The following ATRNL1 variants were observed in gnomAD, a reference collection of about 807,000 sequenced individuals.
ATRNL1 encodes the protein attractin like 1, also known as attractin-like protein 1.
A neutral mutation model predicts 182.7 loss-of-function variants in ATRNL1; 95 were observed. The observed-to-expected ratio is 0.52, with a 90% CI of 0.44 to 0.62. The LOEUF is 0.62. ATRNL1 is among the 20% of genes least tolerant of loss of function. The pLI is 0.00. For missense variants in ATRNL1, 1,471 were observed against 1,679.5 expected (o/e 0.88, Z 2.17); for synonymous variants, 576 against 568.3 (o/e 1.01, Z -0.19).
rs147749009 is a variant in ATRNL1 at position 115,099,662 on chromosome 10, T to A, written c.293+5619T>A. Among the ~76,000 whole-genome samples, 652 of 152,326 alleles carry A rather than the reference T, an allele frequency of 4.3e-3. 1 individual carries two copies. Among genetic ancestry groups the A allele is most frequent in the Non-Finnish European group, 7.1e-3 (481 of 68,014 alleles). ...AAGTGAATGGTATATTATTGGGTTT[T>A]AGTTTGCATTTCCCGAATTACTAAT... On this transcript the variant is annotated intron_variant, in intron 1 of 28. Transcript: ENST00000355044.
At chr10:115,471,013 T>A (rs1554972009) in intron 24 of ATRNL1, among the ~76,000 whole-genome samples, 1 of 150,736 alleles carries the variant, frequency 6.6e-6, no homozygotes, top group East Asian at 1.9e-4. Context: ...ATAAGTTTTT[T>A]AGATTCCACC....
At chr10:115,444,449 C>T (rs562286351) in intron 21 of ATRNL1, among the ~76,000 whole-genome samples, 1 of 151,924 alleles carries the variant, frequency 6.6e-6, no homozygotes, top group East Asian at 1.9e-4. Context: ...TATTTAATAG[C>T]TTTTTAGTTG....
In ATRNL1 at chr10:115,864,980, T is replaced by TA. The variant is rs76771298; in HGVS notation, c.4018+17005dup. Among the ~76,000 whole-genome samples the TA allele has an allele frequency of 5.8e-3, 641 of 110,936 alleles. 4 individuals are homozygous for TA. The highest frequency in any genetic ancestry group is 0.017 in the African/African-American group (526 of 31,356). The allele number at this position is 110,936 out of a possible 152,430, so 72.8% of individuals were successfully genotyped here. A position where few individuals can be genotyped will look rare whatever the true frequency, so the allele number is the denominator to read the frequency against. ...CTGGGCGACAGAGCGAGACTCCGTC[T>TA]AAAAAAAAAAAAAAAAGAAAAGACC... is the stretch of plus-strand genomic sequence containing the variant. On this transcript the variant is annotated intron_variant, in intron 28 of 28. Coordinates refer to ENST00000355044, the MANE Select transcript of ATRNL1 (RefSeq NM_207303.4).
At chr10:115,115,026 A>G (rs1384681335) in intron 1 of ATRNL1, among the ~76,000 whole-genome samples, 2 of 152,166 alleles carry the variant, frequency 1.3e-5, no homozygotes, top group African/African-American at 2.4e-5. Context: ...AGGTATATAT[A>G]CATAATGAAA....
At chr10:115,096,817 C>T in intron 1 of ATRNL1, 1 of 1,162,790 alleles carries the variant, frequency 8.6e-7, no homozygotes, top group Non-Finnish European at 1.1e-6. Flanking sequence ...CTCAGAATAA[C>T]AAGCCATTCC....
At chr10:115,698,760 GA>G (rs1946642241) in intron 26 of ATRNL1, among the ~76,000 whole-genome samples, 1 of 151,340 alleles carries the variant, frequency 6.6e-6, no homozygotes, top group Non-Finnish European at 1.5e-5. Flanking sequence ...CCTGGCAACA[GA>G]GCGAGACTCC....
chr10:115,299,067 C>T (rs934049403), intron 15 of ATRNL1, among the ~76,000 whole-genome samples: 1 of 151,374 alleles, frequency 6.6e-6, no homozygotes, highest in Non-Finnish European at 1.5e-5. Context: ...TTTTCTCTAT[C>T]CTGGTACTCC....
chr10:115,547,096 A>G (rs1348262416), intron 25 of ATRNL1, among the ~76,000 whole-genome samples: 3 of 151,792 alleles, frequency 2.0e-5, no homozygotes, highest in Non-Finnish European at 4.4e-5. Context: ...TCTACTAAAA[A>G]TACAAAAAAA....
chr10:115,549,855 A>G (rs1370544373), intron 26 of ATRNL1, among the ~76,000 whole-genome samples: 2 of 151,972 alleles, frequency 1.3e-5, no homozygotes, highest in African/African-American at 2.4e-5. Context: ...ATAAAGACAT[A>G]CTTTATTTTT....
intron 5 of ATRNL1, among the ~76,000 whole-genome samples, chr10:115,156,393 GTT>G (rs1846519704): frequency 6.6e-6 from 1 of 152,084 alleles, no homozygotes; most frequent in South Asian, 2.1e-4. Context: ...AACGATCAAG[GTT>G]TTAGTTTTAT....
intron 26 of ATRNL1, among the ~76,000 whole-genome samples, chr10:115,690,756 T>C (rs1439237814): frequency 5.3e-5 from 8 of 152,200 alleles, no homozygotes; most frequent in Admixed American, 2.0e-4. Flanking sequence ...CAGCTGCTGC[T>C]GCTTAGGTCT....
chr10:115,917,252 G>C (rs1470060766), intron 28 of ATRNL1, among the ~76,000 whole-genome samples: 1 of 151,956 alleles, frequency 6.6e-6, no homozygotes, highest in African/African-American at 2.4e-5. Context: ...GGATCACGAG[G>C]TCAGGAGATC....
chr10:115,369,538 G>T (rs1857275550), intron 19 of ATRNL1, among the ~76,000 whole-genome samples: 1 of 152,142 alleles, frequency 6.6e-6, no homozygotes, highest in African/African-American at 2.4e-5. Flanking sequence ...AACATGGGGA[G>T]TGCATATATC....
At chr10:115,227,338 T>A (rs1554898866) in intron 9 of ATRNL1, among the ~76,000 whole-genome samples, 1 of 151,954 alleles carries the variant, frequency 6.6e-6, no homozygotes, top group Non-Finnish European at 1.5e-5. Context: ...CACTAATCAT[T>A]AGAGAAATGC....
intron 8 of ATRNL1, among the ~76,000 whole-genome samples, chr10:115,209,398 T>G (rs1474335827): frequency 6.7e-6 from 1 of 149,322 alleles, no homozygotes; most frequent in Non-Finnish European, 1.5e-5. Context: ...TGGTATCTAG[T>G]ATCCATAAAG....
At chr10:115,359,893 T>G (rs1856658306) in intron 19 of ATRNL1, among the ~76,000 whole-genome samples, 1 of 151,586 alleles carries the variant, frequency 6.6e-6, no homozygotes, top group African/African-American at 2.4e-5. Flanking sequence ...GTACTAATAT[T>G]TCACTTTACC....
intron 10 of ATRNL1, among the ~76,000 whole-genome samples, chr10:115,248,644 T>A (rs982293841): frequency 6.6e-6 from 1 of 152,142 alleles, no homozygotes; most frequent in Non-Finnish European, 1.5e-5. Context: ...ATTTAATGAA[T>A]GCCAGGGGAC....
intron 26 of ATRNL1, among the ~76,000 whole-genome samples, chr10:115,573,564 G>A (rs1410990180): frequency 6.6e-6 from 1 of 152,008 alleles, no homozygotes; most frequent in African/African-American, 2.4e-5. Flanking sequence ...CTTGAGGGTG[G>A]GGTCTTTGCC....
chr10:115,348,179 G>T (rs1856063390), intron 19 of ATRNL1, among the ~76,000 whole-genome samples: 1 of 152,060 alleles, frequency 6.6e-6, no homozygotes, highest in African/African-American at 2.4e-5. Flanking sequence ...TCACATGTTG[G>T]CCAGGCTGGT....
Sources: allele counts gnomAD v4.1 joint callset (sites outside exome capture counted in the v4.1 genomes callset), GRCh38; gene constraint gnomAD v4.1.1; transcripts MANE v1.5; gene names NCBI Gene and HGNC (gene_info 2026-07-23, HGNC 2026-07-21).